The following CUL1 variants were observed in gnomAD, a reference collection of about 807,000 sequenced individuals.
The protein encoded by CUL1 is cullin-1.
In CUL1, 24 loss-of-function variants were observed where a neutral mutation model predicts 118.0. The observed-to-expected ratio is 0.20, with a 90% CI of 0.15 to 0.29. The LOEUF (loss-of-function observed/expected upper bound fraction) is 0.29. Ranked by LOEUF, CUL1 falls within the 10% of genes least tolerant of loss-of-function variation. The probability of loss-of-function intolerance (pLI) is 1.00; values close to 1 mark genes in which losing one functional copy is unlikely to be tolerated. For synonymous variants in CUL1, 332 were observed against 340.4 expected (o/e 0.98, Z 0.27); for missense variants, 361 against 933.8 (o/e 0.39, Z 7.99).
intron 4 of CUL1, among the ~76,000 whole-genome samples, chr7:148,758,832 T>A (rs1443615189): frequency 6.6e-6 from 1 of 152,172 alleles, no homozygotes; most frequent in East Asian, 1.9e-4. Flanking sequence ...CTGACAAAAA[T>A]GTGTACACCA....
chr7:148,730,898 A>G (rs1798741433), intron 2 of CUL1, among the ~76,000 whole-genome samples: 1 of 152,138 alleles, frequency 6.6e-6, no homozygotes, highest in Admixed American at 6.5e-5. Flanking sequence ...CGCAGCCTCA[A>G]CTACCTGCAC....
chr7:148,784,518 T>G (rs914880330), intron 11 of CUL1, among the ~76,000 whole-genome samples: 1 of 152,242 alleles, frequency 6.6e-6, no homozygotes, highest in East Asian at 1.9e-4. Context: ...TTATGTGTAT[T>G]AAGATCTGGA....
intron 1 of CUL1, among the ~76,000 whole-genome samples, chr7:148,709,959 T>A (rs527414703): frequency 1.3e-5 from 2 of 151,932 alleles, no homozygotes; most frequent in Non-Finnish European, 2.9e-5. Context: ...GGCCCACACC[T>A]GTGGTCCCAG....
chr7:148,709,991 G>A lies in CUL1; in HGVS notation c.-162+10962G>A, dbSNP rs756759856. The stretch of plus-strand genomic sequence containing the variant: ...CCAGCTACTTGGGAGGCTGAGGTGG[G>A]GGGATCGCTTGAGCCCTAGAGGGAG... On this transcript the variant is annotated intron_variant, in intron 1 of 21. Coordinates refer to ENST00000325222, the MANE Select transcript of CUL1 (RefSeq NM_003592.3). 6.4e-4 allele frequency among the ~76,000 whole-genome samples: 98 copies of A among 152,110 alleles called. 6 individuals are homozygous for A. The highest frequency in any genetic ancestry group is 4.4e-5 in the Non-Finnish European group (3 of 67,996).
Position 148,777,403 on chromosome 7 carries a change from C to T in CUL1, c.1084-6380C>T, listed in dbSNP as rs868610951. Among the ~76,000 whole-genome samples the T allele has an allele frequency of 1.9e-4, 29 of 152,188 alleles. 1 individual carries two copies. The highest frequency in any genetic ancestry group is 9.8e-4 in the Admixed American group (15 of 15,286). Reference sequence around the variant, plus strand: ...TGGTGGCTCACACCTGTAATCCCAGCACTTTGGGAGGTTGAGGCAGGTGGA... The same window carrying T: ...TGGTGGCTCACACCTGTAATCCCAGTACTTTGGGAGGTTGAGGCAGGTGGA... On this transcript the variant is annotated intron_variant, in intron 9 of 21. Transcript: ENST00000325222.
In CUL1 at chr7:148,800,132, C is replaced by T. The variant is rs1316237340; in HGVS notation, c.2251-370C>T. On this transcript the variant is annotated intron_variant, in intron 21 of 21. Transcript: ENST00000325222. This position sits in a 1 kb window ranked among gnomAD's most constrained non-coding sequence, Gnocchi z 4.6. The stretch of plus-strand genomic sequence containing the variant: ...TCGTTCATGGCTGTTCAGGGAGTTC[C>T]CCACAGTCCCCTGTTCCCTGTTCAT... Among the ~76,000 whole-genome samples the T allele has an allele frequency of 6.6e-6, 1 of 152,162 alleles. No individual in the cohort carries two copies. The highest frequency in any genetic ancestry group is 1.5e-5 in the Non-Finnish European group (1 of 68,030).
At chr7:148,741,574 A>G (rs113340317) in intron 2 of CUL1, among the ~76,000 whole-genome samples, 268 of 151,832 alleles carry the variant, frequency 1.8e-3, no homozygotes, top group Non-Finnish European at 2.8e-3. Flanking sequence ...GAGTAGCTGG[A>G]ACCGCAGGTG....
intron 2 of CUL1, among the ~76,000 whole-genome samples, chr7:148,735,442 A>G (rs243510): frequency 0.31 from 47,336 of 152,162 alleles, 8,086 homozygotes; most frequent in South Asian, 0.47. Context: ...ACTGCAGGGG[A>G]GTGCTCAGGT....
rs762925646 is a variant in CUL1 at position 148,800,541 on chromosome 7, C to CT, written c.2290_2291insT (p.Arg764LeufsTer5). 1 of 1,613,822 alleles carries CT rather than the reference C, an allele frequency of 6.2e-7. No homozygotes were observed. The highest frequency in any genetic ancestry group is 8.5e-7 in the Non-Finnish European group (1 of 1,179,776). On this transcript the variant is annotated frameshift_variant, in exon 22 of 22. Transcript: ENST00000325222. LOFTEE classifies it high-confidence loss of function. This position sits in a 1 kb window ranked among gnomAD's most constrained non-coding sequence, Gnocchi z 4.6. Reference sequence around the variant, plus strand: ...TCTAATTGAGAAAGAATATTTGGAGCGAGTGGATGGTGAAAAGGACACCTA... The same window carrying CT: ...TCTAATTGAGAAAGAATATTTGGAGCTGAGTGGATGGTGAAAAGGACACCTA...
intron 11 of CUL1, among the ~76,000 whole-genome samples, chr7:148,785,481 C>T (rs1274438129): frequency 6.6e-6 from 1 of 151,736 alleles, no homozygotes; most frequent in Non-Finnish European, 1.5e-5. Context: ...GCCTTAGCCT[C>T]CTGAGCAGCT....
intron 2 of CUL1, among the ~76,000 whole-genome samples, chr7:148,733,269 G>A (rs760476413): frequency 2.6e-5 from 4 of 152,142 alleles, no homozygotes; most frequent in Admixed American, 1.3e-4. Flanking sequence ...ATGTATTAGG[G>A]TAGAAGTGAA....
intron 2 of CUL1, among the ~76,000 whole-genome samples, chr7:148,731,968 C>G (rs186824900): frequency 5.3e-5 from 8 of 152,338 alleles, no homozygotes. Context: ...ACTAATACCA[C>G]TGTAAACATT....
intron 1 of CUL1, among the ~76,000 whole-genome samples, chr7:148,721,733 T>TC (rs957043049): frequency 6.6e-6 from 1 of 152,162 alleles, no homozygotes; most frequent in African/African-American, 2.4e-5. Flanking sequence ...CCTTTTTTTT[T>TC]CACTCAAGAC....
At chr7:148,769,753 G>A (rs760019675) in intron 9 of CUL1, among the ~76,000 whole-genome samples, 10 of 152,070 alleles carry the variant, frequency 6.6e-5, no homozygotes, top group Non-Finnish European at 1.5e-4. Context: ...ATGATAGCTG[G>A]GTGTAGTGGT....
At chr7:148,785,754 A>C (rs1406217534) in intron 11 of CUL1, among the ~76,000 whole-genome samples, 1 of 152,132 alleles carries the variant, frequency 6.6e-6, no homozygotes, top group Non-Finnish European at 1.5e-5. Flanking sequence ...ACAGAATGGC[A>C]GAGACATTTC....
At chr7:148,714,463 C>T (rs543031048) in intron 1 of CUL1, among the ~76,000 whole-genome samples, 10 of 152,304 alleles carry the variant, frequency 6.6e-5, no homozygotes, top group South Asian at 6.2e-4. Context: ...ACTGAGACTT[C>T]GCACCTTTGA....
chr7:148,699,919 T>TC (rs1254472861), intron 1 of CUL1, among the ~76,000 whole-genome samples: 10 of 151,810 alleles, frequency 6.6e-5, no homozygotes, highest in Non-Finnish European at 1.2e-4. Context: ...CGCTTTTTTT[T>TC]CCCTTAAGAT....
chr7:148,756,269 T>C (rs980868187), intron 3 of CUL1, among the ~76,000 whole-genome samples: 2 of 152,304 alleles, frequency 1.3e-5, no homozygotes, highest in African/African-American at 4.8e-5. Flanking sequence ...AGGAAGAAGA[T>C]GCATGTAAAA....
intron 11 of CUL1, among the ~76,000 whole-genome samples, chr7:148,784,279 A>G (rs558286829): frequency 1.6e-4 from 24 of 152,220 alleles, no homozygotes; most frequent in East Asian, 3.9e-4. Flanking sequence ...AAATGTCTCA[A>G]TGTATTGTGG....
Sources: gnomAD v4.1 joint callset for allele counts (sites outside exome capture counted in the v4.1 genomes callset) on GRCh38, gnomAD v4.1.1 for gene constraint, Gnocchi (gnomAD v3.1) non-coding constraint, MANE v1.5 for transcripts, NCBI Gene and HGNC (gene_info 2026-07-23, HGNC 2026-07-21) for gene names.